Variants in MPP7 observed in about 807,000 individuals in gnomAD.
The protein encoded by MPP7 is MAGUK p55 subfamily member 7.
A neutral mutation model predicts 76.5 loss-of-function variants in MPP7; 60 were observed. The observed-to-expected ratio is 0.78, with a 90% CI of 0.64 to 0.97. The LOEUF (loss-of-function observed/expected upper bound fraction) is 0.97, where lower values mean the gene tolerates loss of function less well. MPP7 is among the 50% of genes least tolerant of loss of function. The pLI, the probability that MPP7 is intolerant of heterozygous loss-of-function variation, is 0.00. For missense variants in MPP7, 641 were observed against 694.0 expected, an observed-to-expected ratio of 0.92 and a Z score of 0.86; for synonymous variants, 237 against 244.5, an observed-to-expected ratio of 0.97 and a Z score of 0.29.
chr10:28,320,246 G>A (rs1589048080), intron 2 of MPP7, among the ~76,000 whole-genome samples: 1 of 152,154 alleles, frequency 6.6e-6, no homozygotes, highest in Non-Finnish European at 1.5e-5. Flanking sequence ...TGAATAAAAG[G>A]TTTGAGGCAG....
At chr10:28,266,517 C>CT (rs1840154541) in intron 1 of MPP7, among the ~76,000 whole-genome samples, 1 of 152,004 alleles carries the variant, frequency 6.6e-6, no homozygotes, top group African/African-American at 2.4e-5. Flanking sequence ...CTGCAGTGAG[C>CT]TATGATCATG....
intron 11 of MPP7, among the ~76,000 whole-genome samples, chr10:28,117,875 T>C (rs960369455): frequency 4.6e-5 from 7 of 151,874 alleles, no homozygotes; most frequent in African/African-American, 1.5e-4. Flanking sequence ...AAATAACATA[T>C]ATAAAAACAA....
At chr10:28,300,498 TTAAA>T (rs1316391064) in intron 1 of MPP7, among the ~76,000 whole-genome samples, 3 of 152,100 alleles carry the variant, frequency 2.0e-5, no homozygotes, top group Non-Finnish European at 4.4e-5. Context: ...AGAGTAAAAG[TTAAA>T]TAAAGCCACT....
At chr10:28,123,916 C>G (rs1834923592) in intron 8 of MPP7, 115 bp downstream of exon 8, 1 of 690,530 alleles carries the variant, frequency 1.4e-6, no homozygotes, top group South Asian at 1.7e-5. Flanking sequence ...ATTAAGTGTT[C>G]GAACCCTGCA....
At chr10:28,201,115 A>G (rs1564697330) in intron 3 of MPP7, among the ~76,000 whole-genome samples, 1 of 152,236 alleles carries the variant, frequency 6.6e-6, no homozygotes, top group Non-Finnish European at 1.5e-5. Flanking sequence ...ATGAAAAAAT[A>G]AAGAAATGAA....
At chr10:28,124,202 T>C in intron 7 of MPP7, 86 bp from the exon 8 acceptor site, 1 of 879,178 alleles carries the variant, frequency 1.1e-6, no homozygotes, top group Non-Finnish European at 1.9e-6. Flanking sequence ...TAAAGCATTG[T>C]TAGGTTCCCT....
At chr10:28,079,855 T>G (rs975896475) in intron 12 of MPP7, among the ~76,000 whole-genome samples, 1 of 152,080 alleles carries the variant, frequency 6.6e-6, no homozygotes, top group Non-Finnish European at 1.5e-5. Flanking sequence ...AATAAGCATA[T>G]GGATGGGCAT....
intron 1 of MPP7, among the ~76,000 whole-genome samples, chr10:28,255,895 T>C (rs1224110794): frequency 1.3e-5 from 2 of 152,170 alleles, no homozygotes; most frequent in African/African-American, 4.8e-5. Context: ...AGAGAGGCAC[T>C]GGGAGGTGAA....
At chr10:28,200,141 T>A (rs1034115952) in intron 3 of MPP7, among the ~76,000 whole-genome samples, 2 of 152,186 alleles carry the variant, frequency 1.3e-5, no homozygotes, top group Non-Finnish European at 2.9e-5. Context: ...ACGCTTGGAA[T>A]ACAGTTAAGC....
At chr10:28,079,117 G>A (rs1214595917) in intron 12 of MPP7, among the ~76,000 whole-genome samples, 2 of 151,946 alleles carry the variant, frequency 1.3e-5, no homozygotes, top group African/African-American at 4.8e-5. Flanking sequence ...TGAGACGTAG[G>A]GTATTTTCAT....
upstream of MPP7, among the ~76,000 whole-genome samples, chr10:28,335,057 T>C (rs1589051693): frequency 6.6e-6 from 1 of 152,288 alleles, no homozygotes; most frequent in African/African-American, 2.4e-5. Context: ...TCACTGTGCT[T>C]GGGGATTCAC....
intron 2 of MPP7, among the ~76,000 whole-genome samples, chr10:28,320,532 G>A (rs786393): frequency 0.16 from 24,041 of 151,926 alleles, 2,116 homozygotes; most frequent in Non-Finnish European, 0.2. Flanking sequence ...ATAGTGAAAA[G>A]AGGACCTTTA....
At chr10:28,221,900 T>C (rs1455298999) in intron 2 of MPP7, among the ~76,000 whole-genome samples, 1 of 152,196 alleles carries the variant, frequency 6.6e-6, no homozygotes, top group Non-Finnish European at 1.5e-5. Context: ...GTATTTTCAA[T>C]AGTGCTATGC....
chr10:28,132,702 C>A (rs1489599303), intron 5 of MPP7, among the ~76,000 whole-genome samples: 1 of 152,144 alleles, frequency 6.6e-6, no homozygotes, highest in East Asian at 1.9e-4. Flanking sequence ...CAGGTTCAAG[C>A]AATTCTCGGC....
chr10:28,208,386 G>A (rs568957471), intron 2 of MPP7, among the ~76,000 whole-genome samples: 2 of 152,224 alleles, frequency 1.3e-5, no homozygotes, highest in East Asian at 1.9e-4. Flanking sequence ...GAAATATCCT[G>A]GGGGTGTATA....
intron 1 of MPP7, among the ~76,000 whole-genome samples, chr10:28,262,181 TAAATTATATATATATATATA>T: frequency 1.2e-5 from 1 of 86,484 alleles, no homozygotes; most frequent in Admixed American, 1.5e-4. Flanking sequence ...AATAAATAAA[TAAATTATATATATATATATA>T]TATATACATA....
chr10:28,174,590 A>G lies in MPP7; in HGVS notation c.157-24531T>C, dbSNP rs576494703. ...TGAGCCAAACAAATTTTTCTTTATAAATTACTCACCCTCGACTATTCCTTT... is the reference window on the plus strand; with the variant it reads ...TGAGCCAAACAAATTTTTCTTTATAGATTACTCACCCTCGACTATTCCTTT... On this transcript the variant is annotated intron_variant, in intron 3 of 16. Coordinates refer to ENST00000683449, the MANE Select transcript of MPP7 (RefSeq NM_001318170.2). Among the ~76,000 whole-genome samples the G allele has an allele frequency of 4.6e-5, 7 of 152,262 alleles. No homozygotes were observed. The South Asian group carries it at 1.5e-3, about 32-fold the overall frequency.
Position 28,165,980 on chromosome 10 carries a change from G to A in MPP7, c.157-15921C>T, listed in dbSNP as rs56029559. ...GCAGAGGTTGCAGTGAGCCAAGATC[G>A]CGCCACTGCACTCCAGCCTGGGCAA... On this transcript the variant is annotated intron_variant, in intron 3 of 16. Coordinates refer to ENST00000683449, the MANE Select transcript of MPP7 (RefSeq NM_001318170.2). 6.9e-3 allele frequency among the ~76,000 whole-genome samples: 999 copies of A among 144,258 alleles called. 5 individuals carry two copies. Among genetic ancestry groups the A allele is most frequent in the Non-Finnish European group, 9.9e-3 (663 of 67,052 alleles). 94.6% of individuals were successfully genotyped at this position (144,258 alleles called of 152,430 possible).
chr10:28,202,296 A>C (rs557372740), intron 2 of MPP7, 25 bp from the exon 3 acceptor site: 8 of 1,525,216 alleles, frequency 5.2e-6, no homozygotes, highest in Non-Finnish European at 7.2e-6. Flanking sequence ...TAAAACACAA[A>C]GTGTAATCTT....
Sources: allele counts gnomAD v4.1 joint callset (sites outside exome capture counted in the v4.1 genomes callset), GRCh38; gene constraint gnomAD v4.1.1; transcripts MANE v1.5; gene names NCBI Gene and HGNC (gene_info 2026-07-23, HGNC 2026-07-21).